MAGI2: variants seen among roughly 807,000 people sequenced by gnomAD.
MAGI2 encodes membrane-associated guanylate kinase, WW and PDZ domain-containing protein 2.
Under a neutral mutation model 133.3 loss-of-function variants are expected in MAGI2, and 35 were observed. The observed-to-expected ratio is 0.26, with a 90% CI of 0.20 to 0.35. The LOEUF is 0.35. MAGI2 is among the 10% of genes least tolerant of loss of function. The pLI is 1.00. For missense variants in MAGI2, 1,636 were observed against 1,863.4 expected (o/e 0.88, Z 2.25); for synonymous variants, 729 against 710.6 (o/e 1.03, Z -0.41).
intron 6 of MAGI2, among the ~76,000 whole-genome samples, chr7:78,392,166 AT>A (rs1309291576): frequency 6.6e-6 from 1 of 152,220 alleles, no homozygotes; most frequent in Non-Finnish European, 1.5e-5. Flanking sequence ...AAAAGTAGAA[AT>A]GGATCTGTAA....
chr7:79,324,940 A>G (rs1288418127), intron 1 of MAGI2, among the ~76,000 whole-genome samples: 1 of 151,490 alleles, frequency 6.6e-6, no homozygotes, highest in African/African-American at 2.4e-5. Context: ...GAAAATTTGC[A>G]TTTTTCAGCT....
At chr7:79,126,453 G>T (rs139732195) in intron 1 of MAGI2, among the ~76,000 whole-genome samples, 1 of 152,018 alleles carries the variant, frequency 6.6e-6, no homozygotes, top group South Asian at 2.1e-4. Flanking sequence ...ACTCATTTAC[G>T]CTAATGGAGG....
intron 1 of MAGI2, among the ~76,000 whole-genome samples, chr7:79,230,634 G>C (rs986938653): frequency 6.7e-6 from 1 of 149,278 alleles, no homozygotes; most frequent in African/African-American, 2.4e-5. Context: ...CTTTTTGATG[G>C]GGTTGTTTGT....
At chr7:78,273,850 G>A (rs575703365) in intron 9 of MAGI2, among the ~76,000 whole-genome samples, 1 of 152,038 alleles carries the variant, frequency 6.6e-6, no homozygotes, top group Admixed American at 6.5e-5. Context: ...TTTTTTCAAG[G>A]TTGTTAGCTT....
chr7:79,375,478 T>G (rs1314961518), intron 1 of MAGI2, among the ~76,000 whole-genome samples: 1 of 151,982 alleles, frequency 6.6e-6, no homozygotes, highest in Non-Finnish European at 1.5e-5. Context: ...TACAAATAAT[T>G]TTTTTCATCA....
intron 2 of MAGI2, among the ~76,000 whole-genome samples, chr7:78,762,676 G>A (rs1370537657): frequency 3.3e-5 from 5 of 152,210 alleles, no homozygotes; most frequent in African/African-American, 1.2e-4. Context: ...TCCGTTTTGG[G>A]AAAGTATAGC....
At chr7:79,018,296 T>G (rs953864332) in intron 1 of MAGI2, among the ~76,000 whole-genome samples, 2 of 152,116 alleles carry the variant, frequency 1.3e-5, no homozygotes, top group African/African-American at 4.8e-5. Context: ...ATGGTCTAAC[T>G]AAGCTTTCGA....
chr7:79,445,246 T>C (rs977982785), intron 1 of MAGI2, among the ~76,000 whole-genome samples: 21 of 152,262 alleles, frequency 1.4e-4, no homozygotes, highest in South Asian at 1.0e-3. Context: ...ATTCAGGACA[T>C]AGGCAGGGGC....
chr7:79,389,040 A>C (rs546208872), intron 1 of MAGI2, among the ~76,000 whole-genome samples: 1 of 152,124 alleles, frequency 6.6e-6, no homozygotes, highest in African/African-American at 2.4e-5. Context: ...TTTTTATAAA[A>C]TACCTAAAAC....
chr7:79,218,713 A>G (rs1830219724), intron 1 of MAGI2, among the ~76,000 whole-genome samples: 1 of 152,110 alleles, frequency 6.6e-6, no homozygotes, highest in South Asian at 2.1e-4. Context: ...CTCACTGAAA[A>G]CCCTTTCTTG....
At chr7:78,503,177 C>G (rs1794770641) in intron 4 of MAGI2, among the ~76,000 whole-genome samples, 1 of 152,094 alleles carries the variant, frequency 6.6e-6, no homozygotes, top group South Asian at 2.1e-4. Flanking sequence ...GAACTTAACT[C>G]TACCAAGATA....
chr7:78,271,839 CTCTTT>C (rs756214019), intron 9 of MAGI2, among the ~76,000 whole-genome samples: 1 of 151,900 alleles, frequency 6.6e-6, no homozygotes, highest in Non-Finnish European at 1.5e-5. Context: ...TGATTCTTCT[CTCTTT>C]TCTTATTAGT....
intron 20 of MAGI2, among the ~76,000 whole-genome samples, chr7:78,119,631 G>A (rs1033552196): frequency 6.6e-6 from 1 of 151,316 alleles, no homozygotes; most frequent in African/African-American, 2.4e-5. Context: ...ATGGACTCTG[G>A]GTGATAATGA....
intron 2 of MAGI2, among the ~76,000 whole-genome samples, chr7:78,727,207 C>T (rs1394503984): frequency 6.6e-6 from 1 of 152,094 alleles, no homozygotes; most frequent in African/African-American, 2.4e-5. Flanking sequence ...ATAGCAGAGA[C>T]ATTTTAGAGT....
intron 2 of MAGI2, among the ~76,000 whole-genome samples, chr7:79,002,907 CTTGT>C (rs1234942538): frequency 1.7e-5 from 2 of 119,606 alleles, no homozygotes; most frequent in African/African-American, 6.1e-5. Flanking sequence ...GTGTTGTTTG[CTTGT>C]TTTTTTTTTT....
At chr7:79,155,911 A>G (rs558610696) in intron 1 of MAGI2, among the ~76,000 whole-genome samples, 3 of 152,266 alleles carry the variant, frequency 2.0e-5, no homozygotes, top group East Asian at 1.9e-4. Flanking sequence ...AGAAGCATCA[A>G]ACTGACTTTT....
chr7:79,449,897 T>TAA lies in MAGI2; in HGVS notation c.301+3121_301+3122dup, dbSNP rs1554488338. Among the ~76,000 whole-genome samples, 20 of 132,350 alleles carry TAA rather than the reference T, an allele frequency of 1.5e-4. 1 individual carries two copies. In the South Asian group the frequency reaches 1.9e-3, roughly 12 times the overall value. The allele number at this position is 132,350 out of a possible 152,430, so 86.8% of individuals were successfully genotyped here. ...ATATACATATATATATATATATATATAATGTCTTAAAATCCCAACATTTTA... is the reference window on the plus strand; with the variant it reads ...ATATACATATATATATATATATATATAAAATGTCTTAAAATCCCAACATTTTA... On this transcript the variant is annotated intron_variant, in intron 1 of 21. Transcript: ENST00000354212.
intron 1 of MAGI2, among the ~76,000 whole-genome samples, chr7:79,023,897 A>G (rs1809592657): frequency 6.6e-6 from 1 of 152,214 alleles, no homozygotes; most frequent in Non-Finnish European, 1.5e-5. Context: ...TATTGTAAAA[A>G]TGGCCATACT....
intron 9 of MAGI2, among the ~76,000 whole-genome samples, chr7:78,337,123 G>A (rs1789855192): frequency 6.6e-6 from 1 of 152,194 alleles, no homozygotes; most frequent in African/African-American, 2.4e-5. Context: ...TGGTTTCTGT[G>A]TAAGCCATGT....
Sources: gnomAD v4.1 joint callset for allele counts (sites outside exome capture counted in the v4.1 genomes callset) on GRCh38, gnomAD v4.1.1 for gene constraint, MANE v1.5 for transcripts, NCBI Gene and HGNC (gene_info 2026-07-23, HGNC 2026-07-21) for gene names.